NLGN1: variants seen among roughly 807,000 people sequenced by gnomAD.
NLGN1 encodes the protein neuroligin 1.
A neutral mutation model predicts 65.5 loss-of-function variants in NLGN1; 12 were observed. That is an observed-to-expected ratio of 0.18 (90% CI 0.12 to 0.30). NLGN1 has a LOEUF of 0.30. Among genes scored for constraint, NLGN1 ranks in the 10% least tolerant of loss-of-function variants. The pLI is 1.00. For synonymous variants in NLGN1, 350 were observed against 359.5 expected, an observed-to-expected ratio of 0.97 and a Z score of 0.30; for missense variants, 750 against 1,007.1, an observed-to-expected ratio of 0.74 and a Z score of 3.46.
intron 3 of NLGN1, among the ~76,000 whole-genome samples, chr3:173,686,216 CAG>C (rs1197093388): frequency 1.3e-5 from 2 of 150,994 alleles, no homozygotes; most frequent in Non-Finnish European, 2.9e-5. Flanking sequence ...TTGTTGAATT[CAG>C]AGTTCTCTTA....
chr3:173,668,661 C>G (rs1021161277), intron 3 of NLGN1, among the ~76,000 whole-genome samples: 2 of 150,730 alleles, frequency 1.3e-5, no homozygotes, highest in African/African-American at 4.9e-5. Flanking sequence ...ACTCCGTCAC[C>G]CAGGCTGGAT....
At chr3:174,276,512 G>A (rs2152888388) in intron 5 of NLGN1, among the ~76,000 whole-genome samples, 1 of 151,970 alleles carries the variant, frequency 6.6e-6, no homozygotes, top group Non-Finnish European at 1.5e-5. Flanking sequence ...CAAGAAAAAA[G>A]TATACACTGT....
chr3:173,677,769 A>G (rs1411307551), intron 3 of NLGN1, among the ~76,000 whole-genome samples: 6 of 152,132 alleles, frequency 3.9e-5, no homozygotes, highest in East Asian at 1.9e-4. Flanking sequence ...AAGGACTCAC[A>G]TAATTTCCAT....
At chr3:173,934,319 C>T (rs1046480747) in intron 4 of NLGN1, among the ~76,000 whole-genome samples, 3 of 148,930 alleles carry the variant, frequency 2.0e-5, no homozygotes, top group African/African-American at 7.4e-5. Context: ...TAATAATAAA[C>T]CATTATTATG....
chr3:174,013,806 T>C (rs1726023100), intron 4 of NLGN1, among the ~76,000 whole-genome samples: 1 of 152,168 alleles, frequency 6.6e-6, no homozygotes, highest in Non-Finnish European at 1.5e-5. Context: ...AGCCTCAACA[T>C]GCTGGGCTCA....
chr3:173,490,923 G>A (rs1211443798), intron 2 of NLGN1, among the ~76,000 whole-genome samples: 1 of 151,972 alleles, frequency 6.6e-6, no homozygotes, highest in Non-Finnish European at 1.5e-5. Context: ...AAGAATGCTT[G>A]TGATTTTTGC....
At chr3:173,575,386 A>G (rs554970636) in intron 2 of NLGN1, among the ~76,000 whole-genome samples, 1 of 152,142 alleles carries the variant, frequency 6.6e-6, no homozygotes, top group Non-Finnish European at 1.5e-5. Context: ...AATAGATATT[A>G]GTTCCAAGAA....
chr3:173,620,640 A>C, intron 3 of NLGN1, among the ~76,000 whole-genome samples: 1 of 152,146 alleles, frequency 6.6e-6, no homozygotes, highest in East Asian at 1.9e-4. Flanking sequence ...ATAAAAGGTA[A>C]GTTCTTGAAA....
At chr3:174,194,786 T>TAA (rs548336247) in intron 4 of NLGN1, among the ~76,000 whole-genome samples, 9 of 104,634 alleles carry the variant, frequency 8.6e-5, no homozygotes, top group South Asian at 6.0e-4. Context: ...ACCTATTCAC[T>TAA]AAAAAAAAAA....
intron 2 of NLGN1, among the ~76,000 whole-genome samples, chr3:173,462,760 A>G (rs1017976580): frequency 6.6e-6 from 1 of 152,146 alleles, no homozygotes; most frequent in Non-Finnish European, 1.5e-5. Flanking sequence ...TACTATTTTG[A>G]TAACTGTTTA....
rs183320604 is a variant in NLGN1 at position 173,492,976 on chromosome 3, C to T, written c.-321+57898C>T. On this transcript the variant is annotated intron_variant, in intron 2 of 6. Transcript: ENST00000457714. ...TCGAGTCTATCCTCTAGCTCCAGGT[C>T]ATTGTCAGTGGCCCCTGAAACATAT... Among the ~76,000 whole-genome samples, 188 of 151,832 alleles carry T rather than the reference C, an allele frequency of 1.2e-3. 2 individuals are homozygous for T. Among genetic ancestry groups the T allele is most frequent in the African/African-American group, 4.4e-3 (181 of 41,212 alleles).
At chr3:173,807,562 CA>C (rs1357019918) in intron 3 of NLGN1, 117 bp from the exon 4 acceptor site, 2 of 1,072,302 alleles carry the variant, frequency 1.9e-6, no homozygotes, top group African/African-American at 3.2e-5. Context: ...ATAAAAACAG[CA>C]GTTTAAGAAC....
intron 3 of NLGN1, among the ~76,000 whole-genome samples, chr3:173,612,467 T>G (rs750869265): frequency 6.6e-6 from 1 of 152,064 alleles, no homozygotes; most frequent in Non-Finnish European, 1.5e-5. Flanking sequence ...ACCTCCCTGC[T>G]TTTTTCTAGT....
chr3:173,633,160 A>G (rs1756001580), intron 3 of NLGN1, among the ~76,000 whole-genome samples: 3 of 152,128 alleles, frequency 2.0e-5, no homozygotes, highest in Non-Finnish European at 4.4e-5. Flanking sequence ...GTTCTGAGCC[A>G]AGGATTGACA....
At chr3:174,242,774 A>G (rs1214260457) in intron 4 of NLGN1, among the ~76,000 whole-genome samples, 1 of 152,176 alleles carries the variant, frequency 6.6e-6, no homozygotes, top group African/African-American at 2.4e-5. Flanking sequence ...TAATAAATGC[A>G]ATGCACTTGA....
chr3:173,755,137 G>C (rs1382861011), intron 3 of NLGN1, among the ~76,000 whole-genome samples: 1 of 151,960 alleles, frequency 6.6e-6, no homozygotes, highest in Non-Finnish European at 1.5e-5. Flanking sequence ...GGTACTGTTT[G>C]GCAATTTTGT....
At chr3:174,293,399 G>T in the NLGN1 span, among the ~76,000 whole-genome samples, 4 of 151,384 alleles carry the variant, frequency 2.6e-5, no homozygotes, top group Non-Finnish European at 5.9e-5. Context: ...CGACAATGTT[G>T]CAGACTTAAA....
chr3:173,652,483 A>G (rs1759354968), intron 3 of NLGN1, among the ~76,000 whole-genome samples: 1 of 152,068 alleles, frequency 6.6e-6, no homozygotes, highest in African/African-American at 2.4e-5. Flanking sequence ...TATTCTACAT[A>G]TGGCAATTCC....
At chr3:174,115,758 G>A (rs1716256260) in intron 4 of NLGN1, among the ~76,000 whole-genome samples, 1 of 152,064 alleles carries the variant, frequency 6.6e-6, no homozygotes, top group Non-Finnish European at 1.5e-5. Flanking sequence ...TTAAAAGTTT[G>A]GACTATAATT....
Sources: allele counts gnomAD v4.1 joint callset (sites outside exome capture counted in the v4.1 genomes callset), GRCh38; gene constraint gnomAD v4.1.1; transcripts MANE v1.5; gene names NCBI Gene and HGNC (gene_info 2026-07-23, HGNC 2026-07-21).